The following LRRTM4 variants were observed in gnomAD, a reference collection of about 807,000 sequenced individuals.
LRRTM4 encodes leucine rich repeat transmembrane neuronal 4, also known as leucine-rich repeat transmembrane neuronal protein 4.
In LRRTM4, 25 loss-of-function variants were observed where a neutral mutation model predicts 47.6. The observed-to-expected ratio is 0.53, with a 90% CI of 0.38 to 0.73. The LOEUF is 0.73. LRRTM4 is among the 30% of genes least tolerant of loss of function. The pLI, the probability that LRRTM4 is intolerant of heterozygous loss-of-function variation, is 0.00. For missense variants in LRRTM4, 638 were observed against 713.4 expected, an observed-to-expected ratio of 0.89 and a Z score of 1.20; for synonymous variants, 311 against 269.5, an observed-to-expected ratio of 1.15 and a Z score of -1.51.
rs187190982 is a variant in LRRTM4, at chr2:77,093,382, T to C, written c.1552-344466A>G. ...ACCTGTTTTTCTCCTTCTGTTATTC[T>C]ATTTAGTTTCTCAATTCATCCAAAA... On this transcript the variant is annotated intron_variant, in intron 3 of 3. Coordinates refer to ENST00000409884, the MANE Select transcript of LRRTM4 (RefSeq NM_001134745.3). 4.8e-3 allele frequency among the ~76,000 whole-genome samples: 712 copies of C among 149,744 alleles called. 28 individuals are homozygous for C. Among genetic ancestry groups the C allele is most frequent in the African/African-American group, 0.017 (679 of 39,212 alleles).
intron 3 of LRRTM4, among the ~76,000 whole-genome samples, chr2:76,869,200 T>C (rs1229981309): frequency 6.6e-6 from 1 of 151,830 alleles, no homozygotes; most frequent in Non-Finnish European, 1.5e-5. Context: ...TCCCAGCTAC[T>C]TGGGAGGCTG....
chr2:77,412,696 C>T (rs1674490435), intron 3 of LRRTM4, among the ~76,000 whole-genome samples: 1 of 152,176 alleles, frequency 6.6e-6, no homozygotes, highest in South Asian at 2.1e-4. Context: ...TCAGAAATTA[C>T]TGTCACTAAT....
chr2:76,945,015 G>A (rs1223111321), intron 3 of LRRTM4, among the ~76,000 whole-genome samples: 2 of 151,986 alleles, frequency 1.3e-5, no homozygotes, highest in African/African-American at 2.4e-5. Context: ...AAATTATCCC[G>A]TGGATTTGGG....
At chr2:77,464,182 A>G (rs1676891630) in intron 3 of LRRTM4, among the ~76,000 whole-genome samples, 1 of 152,098 alleles carries the variant, frequency 6.6e-6, no homozygotes, top group South Asian at 2.1e-4. Flanking sequence ...AGCACATGCC[A>G]GTTATAGTTA....
intron 3 of LRRTM4, among the ~76,000 whole-genome samples, chr2:76,899,286 T>C (rs539594217): frequency 7.4e-5 from 11 of 149,394 alleles, no homozygotes; most frequent in Middle Eastern, 3.5e-3. Context: ...TTAAATTCTA[T>C]TGGAGGGAGA....
At chr2:77,270,249 T>G (rs1676156185) in intron 3 of LRRTM4, among the ~76,000 whole-genome samples, 1 of 152,114 alleles carries the variant, frequency 6.6e-6, no homozygotes. Flanking sequence ...AAGTTAGGAC[T>G]TAATTGGAAG....
chr2:77,408,683 T>C (rs1674303614), intron 3 of LRRTM4, among the ~76,000 whole-genome samples: 1 of 152,188 alleles, frequency 6.6e-6, no homozygotes, highest in South Asian at 2.1e-4. Flanking sequence ...TTCTCCTCTG[T>C]CAAGCTCTGA....
intron 3 of LRRTM4, among the ~76,000 whole-genome samples, chr2:77,003,257 CTATTT>C (rs1209488884): frequency 1.3e-5 from 2 of 151,346 alleles, no homozygotes; most frequent in African/African-American, 2.4e-5. Flanking sequence ...ATTATAGATT[CTATTT>C]TACTTTTATT....
chr2:76,833,669 A>T (rs1023198197), intron 3 of LRRTM4, among the ~76,000 whole-genome samples: 1 of 151,930 alleles, frequency 6.6e-6, no homozygotes, highest in African/African-American at 2.4e-5. Context: ...GTTATTCTTT[A>T]AAGTTATTTT....
chr2:76,936,645 G>A (rs1316704497), intron 3 of LRRTM4, among the ~76,000 whole-genome samples: 2 of 150,430 alleles, frequency 1.3e-5, no homozygotes, highest in Admixed American at 6.6e-5. Flanking sequence ...ACTCTTTACT[G>A]GCAAGTTTCT....
At chr2:77,129,211 C>T (rs1039090913) in intron 3 of LRRTM4, among the ~76,000 whole-genome samples, 6 of 152,150 alleles carry the variant, frequency 3.9e-5, no homozygotes, top group African/African-American at 7.2e-5. Context: ...TGCTATGAAG[C>T]GAGACCCATT....
intron 3 of LRRTM4, among the ~76,000 whole-genome samples, chr2:77,232,481 T>C (rs1006877918): frequency 1.3e-5 from 2 of 152,224 alleles, no homozygotes; most frequent in Non-Finnish European, 2.9e-5. Flanking sequence ...TAGACTGGGC[T>C]TCTTATGAGC....
At chr2:77,028,481 T>C (rs1678530763) in intron 3 of LRRTM4, among the ~76,000 whole-genome samples, 1 of 152,050 alleles carries the variant, frequency 6.6e-6, no homozygotes, top group African/African-American at 2.4e-5. Context: ...ATGACTAAAC[T>C]TCAAAAATTT....
intron 3 of LRRTM4, among the ~76,000 whole-genome samples, chr2:77,469,697 T>G (rs1677110858): frequency 6.6e-6 from 1 of 151,874 alleles, no homozygotes; most frequent in Admixed American, 6.6e-5. Flanking sequence ...ATTGAATTTT[T>G]TTTATCTGTA....
chr2:76,892,956 C>CA lies in LRRTM4; in HGVS notation c.1552-144041dup, dbSNP rs1317816190. ...TTTAAGATTTTCCTACTAATGGAGT[C>CA]AAAATCCCAAAGTGTGAAAAGACGG... On this transcript the variant is annotated intron_variant, in intron 3 of 3. Coordinates refer to ENST00000409884, the MANE Select transcript of LRRTM4 (RefSeq NM_001134745.3). Among the ~76,000 whole-genome samples the CA allele has an allele frequency of 5.3e-5, 8 of 150,256 alleles. No homozygotes were observed. The East Asian group carries it at 9.8e-4, about 18-fold the overall frequency.
intron 3 of LRRTM4, among the ~76,000 whole-genome samples, chr2:76,803,995 A>C (rs72815460): frequency 0.16 from 23,951 of 152,168 alleles, 2,043 homozygotes; most frequent in African/African-American, 0.2. Flanking sequence ...GTCACAACTC[A>C]TTGCTTGAGG....
chr2:77,121,724 C>T (rs1023442787), intron 3 of LRRTM4, among the ~76,000 whole-genome samples: 1 of 151,744 alleles, frequency 6.6e-6, no homozygotes, highest in Non-Finnish European at 1.5e-5. Flanking sequence ...AGTCCAATTT[C>T]CCTAGGTAGA....
chr2:77,318,441 A>C (rs1461009354), intron 3 of LRRTM4, among the ~76,000 whole-genome samples: 1 of 152,184 alleles, frequency 6.6e-6, no homozygotes, highest in Non-Finnish European at 1.5e-5. Context: ...TGGACTTCAC[A>C]ACACCTTGAA....
At chr2:77,201,850 G>A (rs757041054) in intron 3 of LRRTM4, among the ~76,000 whole-genome samples, 1 of 152,024 alleles carries the variant, frequency 6.6e-6, no homozygotes, top group Non-Finnish European at 1.5e-5. Flanking sequence ...ATTTCTAAAT[G>A]TGATTTTTCA....
Sources: gnomAD v4.1 joint callset for allele counts (sites outside exome capture counted in the v4.1 genomes callset) on GRCh38, gnomAD v4.1.1 for gene constraint, MANE v1.5 for transcripts, NCBI Gene and HGNC (gene_info 2026-07-23, HGNC 2026-07-21) for gene names.